PCDH7: variants seen among roughly 807,000 people sequenced by gnomAD.
PCDH7 encodes protocadherin-7.
A neutral mutation model predicts 58.9 loss-of-function variants in PCDH7; 17 were observed. The observed-to-expected ratio is 0.29, with a 90% CI of 0.20 to 0.43. The LOEUF (loss-of-function observed/expected upper bound fraction) is 0.43, where lower values mean the gene tolerates loss of function less well. Ranked by LOEUF, PCDH7 falls within the 20% of genes least tolerant of loss-of-function variation. The pLI is 1.00. For synonymous variants in PCDH7, 664 were observed against 616.4 expected (o/e 1.08, Z -1.14); for missense variants, 1,274 against 1,441.0 (o/e 0.88, Z 1.88).
chr4:31,121,348 A>G (rs1162430694), intron 3 of PCDH7, among the ~76,000 whole-genome samples: 1 of 152,214 alleles, frequency 6.6e-6, no homozygotes, highest in African/African-American at 2.4e-5. Flanking sequence ...TGTAAGAAAA[A>G]TATCAGTGGC....
intron 1 of PCDH7, among the ~76,000 whole-genome samples, chr4:30,786,968 A>G (rs1328784422): frequency 6.6e-6 from 1 of 152,108 alleles, no homozygotes; most frequent in East Asian, 1.9e-4. Context: ...CTCTGCAAAA[A>G]GGAATCAAAC....
chr4:30,865,115 G>C (rs1734707871), intron 1 of PCDH7, among the ~76,000 whole-genome samples: 1 of 151,988 alleles, frequency 6.6e-6, no homozygotes, highest in Admixed American at 6.6e-5. Flanking sequence ...CAGGTAACAA[G>C]TGACATAACA....
chr4:31,131,262 A>C (rs1225080416), intron 3 of PCDH7, among the ~76,000 whole-genome samples: 1 of 152,154 alleles, frequency 6.6e-6, no homozygotes, highest in Non-Finnish European at 1.5e-5. Context: ...ATAAAGGAAA[A>C]CATGTCAATG....
At chr4:30,944,654 C>T (rs754563509) in intron 2 of PCDH7, among the ~76,000 whole-genome samples, 20 of 152,124 alleles carry the variant, frequency 1.3e-4, no homozygotes, top group Non-Finnish European at 2.9e-4. Context: ...CGTTATTTTA[C>T]AAACTTATTC....
chr4:30,817,114 A>G (rs1727785816), intron 1 of PCDH7, among the ~76,000 whole-genome samples: 1 of 152,196 alleles, frequency 6.6e-6, no homozygotes, highest in Non-Finnish European at 1.5e-5. Context: ...CTCAAATAAA[A>G]GCATGACAGT....
At chr4:31,030,857 A>C (rs756130467) in intron 3 of PCDH7, among the ~76,000 whole-genome samples, 3 of 152,200 alleles carry the variant, frequency 2.0e-5, no homozygotes, top group Non-Finnish European at 4.4e-5. Flanking sequence ...AGGGGCAAAG[A>C]ACATGTTGAT....
At chr4:30,784,347 C>T (rs1409472722) in intron 1 of PCDH7, among the ~76,000 whole-genome samples, 2 of 152,144 alleles carry the variant, frequency 1.3e-5, no homozygotes, top group Non-Finnish European at 2.9e-5. Context: ...GCTTTAGTGA[C>T]AGGTGAGTAT....
In PCDH7 at chr4:31,059,913, T is replaced by A. The variant is rs1476723720; in HGVS notation, c.*8-82560T>A. Among the ~76,000 whole-genome samples, 4 of 151,822 alleles carry A rather than the reference T, an allele frequency of 2.6e-5. No homozygotes were observed. The East Asian group carries it at 7.7e-4, about 29-fold the overall frequency. On this transcript the variant is annotated intron_variant, in intron 3 of 3. Coordinates refer to the PCDH7 transcript ENST00000509759. ...GAGATCATCTAATCTATGTTCATTC[T>A]ACAAGTTGAAGAGATTGAGCAACAT...
intron 3 of PCDH7, among the ~76,000 whole-genome samples, chr4:30,991,354 G>C (rs1560560133): frequency 6.6e-6 from 1 of 152,168 alleles, no homozygotes; most frequent in Non-Finnish European, 1.5e-5. Flanking sequence ...ATGACAAACA[G>C]TTCATCTTCC....
chr4:31,058,250 G>T (rs1757415085), intron 3 of PCDH7, among the ~76,000 whole-genome samples: 1 of 151,910 alleles, frequency 6.6e-6, no homozygotes, highest in Non-Finnish European at 1.5e-5. Flanking sequence ...CAAGGAATTG[G>T]GTGATACCCA....
At chr4:31,099,380 A>G (rs1020828917) in intron 3 of PCDH7, among the ~76,000 whole-genome samples, 1 of 152,216 alleles carries the variant, frequency 6.6e-6, no homozygotes, top group African/African-American at 2.4e-5. Context: ...TAGGCAGATC[A>G]TATATTCAGG....
intron 1 of PCDH7, among the ~76,000 whole-genome samples, chr4:30,816,174 A>G (rs1727646036): frequency 6.6e-6 from 1 of 152,160 alleles, no homozygotes; most frequent in Non-Finnish European, 1.5e-5. Flanking sequence ...ATATCTAGTT[A>G]AATTAGGTGA....
chr4:30,785,289 C>A lies in PCDH7; in HGVS notation c.70+60693C>A, dbSNP rs190281750. 1.4e-4 allele frequency among the ~76,000 whole-genome samples: 21 copies of A among 151,980 alleles called. No homozygotes were observed. In the East Asian group the frequency reaches 3.7e-3, roughly 27 times the overall value. On this transcript the variant is annotated intron_variant, in intron 1 of 3. Transcript: ENST00000509759. ...ATATCAGAAACTTTGAAATATTTAG[C>A]TTTCATCTGTGTATAAGGAATTTTA...
intron 3 of PCDH7, among the ~76,000 whole-genome samples, chr4:30,997,184 A>G (rs1347922696): frequency 6.6e-6 from 1 of 152,136 alleles, no homozygotes; most frequent in African/African-American, 2.4e-5. Context: ...AGAGCGATAT[A>G]ATAAAGTGGT....
intron 1 of PCDH7, among the ~76,000 whole-genome samples, chr4:30,791,335 C>A (rs1201960433): frequency 6.6e-6 from 1 of 152,136 alleles, no homozygotes; most frequent in Non-Finnish European, 1.5e-5. Context: ...TTACTGCCTC[C>A]ATTTCTTCAT....
chr4:31,140,214 A>T (rs1346753435), intron 3 of PCDH7, among the ~76,000 whole-genome samples: 1 of 152,202 alleles, frequency 6.6e-6, no homozygotes, highest in Non-Finnish European at 1.5e-5. Flanking sequence ...GCTGTTTATA[A>T]TGCATCTCAA....
intron 1 of PCDH7, among the ~76,000 whole-genome samples, chr4:30,810,223 T>G (rs1205569327): frequency 6.6e-6 from 1 of 152,186 alleles, no homozygotes; most frequent in Non-Finnish European, 1.5e-5. Flanking sequence ...ACTATCTGTC[T>G]CACTAGACTG....
intron 3 of PCDH7, among the ~76,000 whole-genome samples, chr4:31,045,236 T>C (rs1418281415): frequency 1.3e-5 from 2 of 152,098 alleles, no homozygotes; most frequent in East Asian, 3.9e-4. Context: ...GAATCTCTGA[T>C]GCTCTGGTCT....
intron 1 of PCDH7, among the ~76,000 whole-genome samples, chr4:30,797,202 C>T (rs1213573092): frequency 6.6e-6 from 1 of 151,754 alleles, no homozygotes; most frequent in Non-Finnish European, 1.5e-5. Context: ...TCCCAAAGTG[C>T]TGGGATTACA....
Sources: allele counts gnomAD v4.1 joint callset (sites outside exome capture counted in the v4.1 genomes callset), GRCh38; gene constraint gnomAD v4.1.1; transcripts MANE v1.5; gene names NCBI Gene and HGNC (gene_info 2026-07-23, HGNC 2026-07-21).